The following CCDC102B variants were observed in gnomAD, a reference collection of about 807,000 sequenced individuals.
CCDC102B encodes the protein coiled-coil domain-containing protein 102B.
In CCDC102B, 75 loss-of-function variants were observed where a neutral mutation model predicts 57.4. That is an observed-to-expected ratio of 1.31 (90% CI 1.08 to 1.58). CCDC102B has a LOEUF of 1.58. Among genes scored for constraint, CCDC102B ranks in the 40% most tolerant of loss-of-function variants. CCDC102B has a pLI of 0.00. For missense variants in CCDC102B, 636 were observed against 582.6 expected, an observed-to-expected ratio of 1.09 and a Z score of -0.94; for synonymous variants, 206 against 201.9, an observed-to-expected ratio of 1.02 and a Z score of -0.17.
At chr18:68,928,725 A>C (rs1236800112) in intron 6 of CCDC102B, among the ~76,000 whole-genome samples, 1 of 151,892 alleles carries the variant, frequency 6.6e-6, no homozygotes, top group African/African-American at 2.4e-5. Flanking sequence ...GAAATTTAAT[A>C]ATCGTTACGT....
chr18:68,945,118 CT>C (rs2049498985), intron 6 of CCDC102B, among the ~76,000 whole-genome samples: 4 of 48,086 alleles, frequency 8.3e-5, no homozygotes, highest in Admixed American at 5.1e-4. Flanking sequence ...CTGTCTCTCT[CT>C]CTCCACACAC....
At chr18:68,772,043 A>G (rs944527113) in intron 2 of CCDC102B, among the ~76,000 whole-genome samples, 3 of 152,168 alleles carry the variant, frequency 2.0e-5, no homozygotes, top group Non-Finnish European at 4.4e-5. Flanking sequence ...TTTCATTTCT[A>G]CACATTTCCA....
chr18:68,765,316 GGAAGGAAGGAAAGAAAGAAAGAAA>G (rs1179140074), intron 2 of CCDC102B, among the ~76,000 whole-genome samples: 162 of 36,524 alleles, frequency 4.4e-3, no homozygotes, highest in African/African-American at 0.013. Context: ...AAGGAAGGAA[GGAAGGAAGGAAAGAAAGAAAGAAA>G]GAAAGAAAGA....
intron 1 of CCDC102B, among the ~76,000 whole-genome samples, chr18:68,818,029 A>G (rs1452606589): frequency 6.6e-6 from 1 of 152,208 alleles, no homozygotes; most frequent in African/African-American, 2.4e-5. Context: ...ACATTTCATT[A>G]CTATTTTGTA....
At chr18:68,878,914 T>A (rs949949404) in intron 5 of CCDC102B, among the ~76,000 whole-genome samples, 1 of 152,168 alleles carries the variant, frequency 6.6e-6, no homozygotes, top group Non-Finnish European at 1.5e-5. Flanking sequence ...TGGTGAGTGT[T>A]ACAGTTCTTA....
At chr18:68,884,781 G>T (rs1488701545) in intron 5 of CCDC102B, among the ~76,000 whole-genome samples, 1 of 149,248 alleles carries the variant, frequency 6.7e-6, no homozygotes, top group Non-Finnish European at 1.5e-5. Flanking sequence ...AATCAGTCTG[G>T]AGATCTAATG....
At chr18:68,808,501 A>G (rs1021261650) in intron 1 of CCDC102B, among the ~76,000 whole-genome samples, 28 of 124,954 alleles carry the variant, frequency 2.2e-4, no homozygotes, top group Admixed American at 1.1e-3. Context: ...TTTGTGAGAC[A>G]GAGTCTCGCT....
At chr18:69,044,317 G>A (rs2052505707) in intron 7 of CCDC102B, among the ~76,000 whole-genome samples, 1 of 152,130 alleles carries the variant, frequency 6.6e-6, no homozygotes, top group South Asian at 2.1e-4. Flanking sequence ...TTTTGCCACA[G>A]TAACTTTGGT....
chr18:69,032,510 C>A (rs954147414), intron 7 of CCDC102B, among the ~76,000 whole-genome samples: 4 of 152,130 alleles, frequency 2.6e-5, no homozygotes, highest in Non-Finnish European at 5.9e-5. Context: ...CACATCAAAA[C>A]CCTTGTGAGG....
chr18:69,052,666 C>T (rs1054350048), intron 7 of CCDC102B, among the ~76,000 whole-genome samples: 1 of 151,820 alleles, frequency 6.6e-6, no homozygotes, highest in Non-Finnish European at 1.5e-5. Context: ...GGACCACTAC[C>T]TTGTATGCAT....
chr18:68,845,780 T>A (rs1360110762), intron 3 of CCDC102B, among the ~76,000 whole-genome samples: 2 of 151,870 alleles, frequency 1.3e-5, no homozygotes, highest in Non-Finnish European at 2.9e-5. Context: ...TTTAGAATAA[T>A]TTAAATAAGG....
At chr18:68,815,333 G>A (rs1421192275) in intron 1 of CCDC102B, among the ~76,000 whole-genome samples, 1 of 152,046 alleles carries the variant, frequency 6.6e-6, no homozygotes, top group Non-Finnish European at 1.5e-5. Flanking sequence ...CACTTGTTAT[G>A]GCCCAATGGA....
At chr18:68,754,245 C>T (rs1027933994) in intron 2 of CCDC102B, 1 of 151,998 alleles carries the variant, frequency 6.6e-6, no homozygotes, top group Non-Finnish European at 1.5e-5. Context: ...TTTAAAATCC[C>T]GTTTAAACAT....
At chr18:68,900,280 G>T (rs2040399100) in intron 6 of CCDC102B, 1 of 152,058 alleles carries the variant, frequency 6.6e-6, no homozygotes. Context: ...ACCTAGATTT[G>T]TAAAAACATA....
chr18:68,801,576 AC>A (rs560630126), intron 1 of CCDC102B, among the ~76,000 whole-genome samples: 134 of 152,228 alleles, frequency 8.8e-4, no homozygotes, highest in African/African-American at 3.1e-3. Flanking sequence ...GAGAAAAAAA[AC>A]ATATGCTCAC....
intron 6 of CCDC102B, among the ~76,000 whole-genome samples, chr18:69,008,828 C>A (rs1176866460): frequency 6.6e-6 from 1 of 152,238 alleles, no homozygotes; most frequent in Non-Finnish European, 1.5e-5. Flanking sequence ...TAATACCATA[C>A]ACTTCACACA....
At chr18:68,731,887 G>A (rs2032882567) in intron 2 of CCDC102B, among the ~76,000 whole-genome samples, 1 of 91,596 alleles carries the variant, frequency 1.1e-5, no homozygotes, top group South Asian at 4.7e-4. Context: ...TGCAAGCAAA[G>A]CTCTTTTTGG....
At chr18:68,847,593 A>G (rs1004420384) in intron 4 of CCDC102B, among the ~76,000 whole-genome samples, 4 of 151,878 alleles carry the variant, frequency 2.6e-5, no homozygotes, top group African/African-American at 9.7e-5. Flanking sequence ...GAAAAGGTTT[A>G]ATGTTTTATA....
intron 2 of CCDC102B, among the ~76,000 whole-genome samples, chr18:68,758,455 C>T (rs575732789): frequency 5.1e-4 from 78 of 152,020 alleles, no homozygotes; most frequent in African/African-American, 1.8e-3. Flanking sequence ...TTGTTTAAGA[C>T]AATCTATACA....
Sources: gnomAD v4.1 joint callset for allele counts (sites outside exome capture counted in the v4.1 genomes callset) on GRCh38, gnomAD v4.1.1 for gene constraint, MANE v1.5 for transcripts, NCBI Gene and HGNC (gene_info 2026-07-23, HGNC 2026-07-21) for gene names.